The following SBF2 variants were observed in gnomAD, a reference collection of about 807,000 sequenced individuals.
The protein encoded by SBF2 is SET binding factor 2.
In SBF2, 112 loss-of-function variants were observed where a neutral mutation model predicts 225.2. The ratio of observed to expected loss-of-function variants is 0.50; its 90% CI spans 0.43 to 0.58. SBF2 has a LOEUF of 0.58. Ranked by LOEUF, SBF2 falls within the 20% of genes least tolerant of loss-of-function variation. The pLI is 0.00. For missense variants in SBF2, 1,996 were observed against 2,206.2 expected, an observed-to-expected ratio of 0.90 and a Z score of 1.91; for synonymous variants, 763 against 773.3, an observed-to-expected ratio of 0.99 and a Z score of 0.22.
chr11:10,251,758 C>T (rs1395700366), intron 1 of SBF2, among the ~76,000 whole-genome samples: 2 of 152,154 alleles, frequency 1.3e-5, no homozygotes, highest in Admixed American at 6.5e-5. Flanking sequence ...GTCAAATGGT[C>T]TCTCTTCAAC....
intron 16 of SBF2, among the ~76,000 whole-genome samples, chr11:9,918,293 TC>T (rs543569322): frequency 1.3e-5 from 2 of 151,924 alleles, no homozygotes; most frequent in Admixed American, 6.6e-5. Flanking sequence ...TTCTCTGTTT[TC>T]CCCCCCATCC....
intron 17 of SBF2, among the ~76,000 whole-genome samples, chr11:9,885,206 G>T (rs1860164123): frequency 8.2e-6 from 1 of 122,018 alleles, no homozygotes; most frequent in Non-Finnish European, 1.6e-5. Flanking sequence ...AGCTCAGATT[G>T]CACCACTGCA....
intron 13 of SBF2, among the ~76,000 whole-genome samples, chr11:9,976,291 C>G (rs1333865970): frequency 5.3e-5 from 8 of 152,054 alleles, no homozygotes; most frequent in African/African-American, 2.4e-5. Context: ...GCAGGCTGGT[C>G]TCCAACTCCT....
chr11:9,793,751 A>C (rs1564858756), intron 33 of SBF2, among the ~76,000 whole-genome samples: 1 of 152,124 alleles, frequency 6.6e-6, no homozygotes, highest in Non-Finnish European at 1.5e-5. Flanking sequence ...ATTCTGATTT[A>C]AGTGGTTGGG....
At chr11:9,909,836 G>A (rs1862449048) in intron 16 of SBF2, among the ~76,000 whole-genome samples, 1 of 152,120 alleles carries the variant, frequency 6.6e-6, no homozygotes, top group African/African-American at 2.4e-5. Context: ...TATTGGAATA[G>A]TATCTAGGCC....
chr11:10,293,820 T>G (rs1964329633), intron 1 of SBF2, among the ~76,000 whole-genome samples, 195 bp downstream of exon 1: 1 of 151,642 alleles, frequency 6.6e-6, no homozygotes, highest in Admixed American at 6.6e-5. Flanking sequence ...TCCCTCCCCC[T>G]ACCGTCGTGC....
chr11:10,249,650 A>T (rs551655131), intron 1 of SBF2, among the ~76,000 whole-genome samples: 64 of 151,922 alleles, frequency 4.2e-4, no homozygotes, highest in South Asian at 1.0e-3. Context: ...AGCTTCCCCA[A>T]ATCAAATTTC....
At chr11:9,845,827 A>C in intron 23 of SBF2, 87 bp from the exon 24 acceptor site, 4 of 1,237,142 alleles carry the variant, frequency 3.2e-6, no homozygotes, top group Non-Finnish European at 3.6e-6. Flanking sequence ...ATAACACAAA[A>C]TGGCAAGACT....
At chr11:9,952,229 C>T (rs1371909360) in intron 16 of SBF2, among the ~76,000 whole-genome samples, 2 of 141,808 alleles carry the variant, frequency 1.4e-5, no homozygotes, top group South Asian at 2.4e-4. Context: ...GACAGCCTCT[C>T]TCTCATAAAA....
intron 13 of SBF2, among the ~76,000 whole-genome samples, chr11:9,982,361 A>T (rs1012889368): frequency 6.6e-6 from 1 of 152,198 alleles, no homozygotes; most frequent in South Asian, 2.1e-4. Context: ...TAACTGAAAA[A>T]ATTGTGACTA....
intron 2 of SBF2, among the ~76,000 whole-genome samples, chr11:10,152,460 A>C (rs1013719557): frequency 2.0e-5 from 3 of 152,036 alleles, no homozygotes; most frequent in African/African-American, 7.2e-5. Flanking sequence ...GAGGCAGGAG[A>C]ATCGCTTGAA....
intron 17 of SBF2, among the ~76,000 whole-genome samples, chr11:9,866,421 C>G (rs1489263682): frequency 1.3e-5 from 2 of 152,158 alleles, no homozygotes; most frequent in Non-Finnish European, 2.9e-5. Flanking sequence ...ATAAATAAAT[C>G]TATGTATGCA....
At chr11:10,219,595 T>C (rs1364849604) in intron 1 of SBF2, among the ~76,000 whole-genome samples, 3 of 152,252 alleles carry the variant, frequency 2.0e-5, no homozygotes, top group African/African-American at 4.8e-5. Flanking sequence ...TTCTTTTCTA[T>C]TGCATTGTCA....
intron 2 of SBF2, among the ~76,000 whole-genome samples, chr11:10,106,020 GTT>G (rs1353905157): frequency 2.0e-5 from 3 of 152,116 alleles, no homozygotes; most frequent in African/African-American, 7.2e-5. Flanking sequence ...AATGTGTGTA[GTT>G]TTATTTTTTA....
At chr11:10,005,211 G>A (rs1304296496) in intron 6 of SBF2, among the ~76,000 whole-genome samples, 2 of 152,120 alleles carry the variant, frequency 1.3e-5, no homozygotes, top group Non-Finnish European at 2.9e-5. Context: ...GTAGTTAAGA[G>A]GCAAAATGGC....
At chr11:10,164,710 A>G (rs1955880589) in intron 2 of SBF2, among the ~76,000 whole-genome samples, 1 of 152,208 alleles carries the variant, frequency 6.6e-6, no homozygotes, top group South Asian at 2.1e-4. Flanking sequence ...CAAACAGCTA[A>G]AAACAGTCCA....
chr11:9,930,658 T>G (rs773196006), intron 16 of SBF2, among the ~76,000 whole-genome samples: 24 of 152,220 alleles, frequency 1.6e-4, no homozygotes, highest in Non-Finnish European at 1.6e-4. Context: ...GGAACAGCTC[T>G]GGTCTGCAGC....
chr11:9,944,070 C>T (rs1235514179), intron 16 of SBF2, among the ~76,000 whole-genome samples: 1 of 152,176 alleles, frequency 6.6e-6, no homozygotes, highest in East Asian at 1.9e-4. Context: ...GTATGAATAT[C>T]ATAAGCTGCT....
intron 2 of SBF2, among the ~76,000 whole-genome samples, chr11:10,141,937 G>A (rs1954667028): frequency 1.3e-5 from 2 of 152,162 alleles, no homozygotes; most frequent in African/African-American, 4.8e-5. Flanking sequence ...AGTAAGAACA[G>A]AAGTAAAAGC....
Sources: gnomAD v4.1 joint callset for allele counts (sites outside exome capture counted in the v4.1 genomes callset) on GRCh38, gnomAD v4.1.1 for gene constraint, MANE v1.5 for transcripts, NCBI Gene and HGNC (gene_info 2026-07-23, HGNC 2026-07-21) for gene names.